The following AXDND1 variants were observed in gnomAD, a reference collection of about 807,000 sequenced individuals.
AXDND1 encodes axonemal dynein light chain domain-containing protein 1.
In AXDND1, 110 loss-of-function variants were observed where a neutral mutation model predicts 137.5. The ratio of observed to expected loss-of-function variants is 0.80; its 90% CI spans 0.69 to 0.94. The LOEUF is 0.94. Ranked by LOEUF, AXDND1 falls within the 40% of genes least tolerant of loss-of-function variation. The pLI, the probability that AXDND1 is intolerant of heterozygous loss-of-function variation, is 0.00. For missense variants in AXDND1, 1,191 were observed against 1,169.8 expected, an observed-to-expected ratio of 1.02 and a Z score of -0.26; for synonymous variants, 414 against 399.7, an observed-to-expected ratio of 1.04 and a Z score of -0.43.
chr1:179,368,145 C>CT (rs1383052026), intron 2 of AXDND1, among the ~76,000 whole-genome samples: 2 of 152,196 alleles, frequency 1.3e-5, no homozygotes, highest in Non-Finnish European at 2.9e-5. Context: ...CCCTACCTGA[C>CT]TGACTTCATA....
chr1:179,456,872 A>G (rs780640488), intron 16 of AXDND1: 2 of 851,794 alleles, frequency 2.3e-6, no homozygotes, highest in Non-Finnish European at 4.0e-6. Flanking sequence ...CCATGGAGTT[A>G]TGATTGTCAA....
rs771166941 is a variant in AXDND1, at chr1:179,491,563, T to C, written c.2117T>C (p.Ile706Thr). The part of the protein sequence containing the change: ...HHMDELHISM[I>T]QWMVNLLILM... ...ATGGATGAGTTACATATATCTATGA[T>C]CCAGTGGATGGTAAACTTGCTGATT... The change falls in exon 19 of 26, where the codon ATC becomes ACC. Residue 706 changes from isoleucine to threonine, a missense_variant. Coordinates refer to ENST00000367618, the MANE Select transcript of AXDND1 (RefSeq NM_144696.6). 1.2e-6 allele frequency: 2 copies of C among 1,609,646 alleles called. No individual in the cohort carries two copies. The highest frequency in any genetic ancestry group is 1.7e-6 in the Non-Finnish European group (2 of 1,176,020).
At chr1:179,476,339 C>A (rs1004454108) in intron 17 of AXDND1, among the ~76,000 whole-genome samples, 4 of 152,052 alleles carry the variant, frequency 2.6e-5, no homozygotes, top group African/African-American at 9.7e-5. Context: ...GTTGTAGGTC[C>A]AACAATATGT....
At chr1:179,512,437 C>G (rs989616335) in intron 21 of AXDND1, among the ~76,000 whole-genome samples, 3 of 152,140 alleles carry the variant, frequency 2.0e-5, no homozygotes, top group African/African-American at 7.2e-5. Flanking sequence ...TGTTTTTATA[C>G]CAGTACCATG....
chr1:179,511,420 G>GTC (rs1366786068), intron 21 of AXDND1, among the ~76,000 whole-genome samples: 1 of 150,422 alleles, frequency 6.6e-6, no homozygotes, highest in Non-Finnish European at 1.5e-5. Flanking sequence ...GTGTGTGTGT[G>GTC]TGTATATGTA....
At chr1:179,384,012 A>C (rs1455785372) in intron 8 of AXDND1, among the ~76,000 whole-genome samples, 3 of 152,292 alleles carry the variant, frequency 2.0e-5, no homozygotes, top group South Asian at 2.1e-4. Context: ...GGCATGAACC[A>C]CCGCACCAGG....
At chr1:179,482,401 C>T (rs1237043417) in intron 17 of AXDND1, among the ~76,000 whole-genome samples, 1 of 152,088 alleles carries the variant, frequency 6.6e-6, no homozygotes, top group Non-Finnish European at 1.5e-5. Flanking sequence ...AAGACAACCC[C>T]TACTTGTTAC....
At chr1:179,371,999 CT>C in intron 4 of AXDND1, among the ~76,000 whole-genome samples, 1 of 152,262 alleles carries the variant, frequency 6.6e-6, no homozygotes, top group Middle Eastern at 3.4e-3. Flanking sequence ...TGATTTTAGC[CT>C]TTTGAGACCC....
intron 23 of AXDND1, among the ~76,000 whole-genome samples, chr1:179,530,741 A>G (rs1670967977): frequency 6.6e-6 from 1 of 152,176 alleles, no homozygotes. Context: ...AAATCTGGAG[A>G]AAGAACTAAA....
intron 16 of AXDND1, chr1:179,452,990 G>A (rs1334062232): frequency 6.6e-6 from 1 of 152,260 alleles, no homozygotes; most frequent in Non-Finnish European, 1.5e-5. Flanking sequence ...TGGCTGAAAG[G>A]GGCCAACATA....
chr1:179,463,358 G>A (rs986171158), intron 16 of AXDND1, among the ~76,000 whole-genome samples: 4 of 152,152 alleles, frequency 2.6e-5, no homozygotes, highest in African/African-American at 9.7e-5. Context: ...CTTTATTTCT[G>A]CTTTCATTTC....
At chr1:179,505,668 G>GAAAAAA (rs981024738) in intron 20 of AXDND1, among the ~76,000 whole-genome samples, 1 of 150,900 alleles carries the variant, frequency 6.6e-6, no homozygotes, top group Non-Finnish European at 1.5e-5. Flanking sequence ...AAAGAAAAAA[G>GAAAAAA]AAAAACAGAA....
At chr1:179,375,098 T>TA in intron 4 of AXDND1, among the ~76,000 whole-genome samples, 1 of 148,478 alleles carries the variant, frequency 6.7e-6, no homozygotes, top group African/African-American at 2.5e-5. Context: ...TCTTTATTAA[T>TA]AAAAAAAAAA....
rs74667047 is a variant in AXDND1, at chr1:179,406,748, G to T, written c.1110-4398G>T. On this transcript the variant is annotated intron_variant, in intron 11 of 25. Transcript: ENST00000367618. The stretch of plus-strand genomic sequence containing the variant: ...TCACTTTTAGGCTATATATGTTTTC[G>T]CAAGTGAAGTGAGTTTTTTGGAGGC... Among the ~76,000 whole-genome samples, 6 of 152,032 alleles carry T rather than the reference G, an allele frequency of 3.9e-5. No homozygotes were observed. In the South Asian group the frequency reaches 1.2e-3, roughly 32 times the overall value.
At chr1:179,474,384 G>A (rs750325558) in intron 17 of AXDND1, among the ~76,000 whole-genome samples, 2 of 152,188 alleles carry the variant, frequency 1.3e-5, no homozygotes, top group Non-Finnish European at 2.9e-5. Context: ...GAATAGTTTG[G>A]AGGGCTCAGA....
chr1:179,553,221 C>T (rs1476883315), intron 25 of AXDND1, among the ~76,000 whole-genome samples: 2 of 152,206 alleles, frequency 1.3e-5, no homozygotes, highest in South Asian at 4.1e-4. Flanking sequence ...AAGTTAAATA[C>T]GGAGTTACCA....
At position 179,491,564 on chromosome 1, in the gene AXDND1, CCA is replaced by C; in HGVS notation, c.2119_2120del (p.Gln707ValfsTer15). Reference sequence around the variant, plus strand: ...TGGATGAGTTACATATATCTATGATCCAGTGGATGGTAAACTTGCTGATTTTA... The same window carrying C: ...TGGATGAGTTACATATATCTATGATCGTGGATGGTAAACTTGCTGATTTTA... ...HMDELHISMIQWMVNLLILMI... is the reference protein window; with the variant it reads ...HMDELHISMIXWMVNLLILMI... On this transcript the variant is annotated frameshift_variant, in exon 19 of 26. Transcript: ENST00000367618. LOFTEE classifies it high-confidence loss of function. 6.2e-7 allele frequency: 1 copy of C among 1,609,352 alleles called. No individual in the cohort carries two copies. The highest frequency in any genetic ancestry group is 8.5e-7 in the Non-Finnish European group (1 of 1,175,910).
intron 9 of AXDND1, 108 bp from the exon 10 acceptor site, chr1:179,393,795 T>C (rs1650575749): frequency 1.2e-6 from 1 of 825,050 alleles, no homozygotes; most frequent in Non-Finnish European, 1.7e-6. Flanking sequence ...AGCTTGGTTT[T>C]CTTGGTGTAT....
chr1:179,547,468 A>T (rs184091713), intron 25 of AXDND1, among the ~76,000 whole-genome samples: 91 of 152,356 alleles, frequency 6.0e-4, no homozygotes, highest in African/African-American at 1.9e-3. Flanking sequence ...CAGCTTGTCT[A>T]AAATGGTGCA....
Sources: gnomAD v4.1 joint callset for allele counts (sites outside exome capture counted in the v4.1 genomes callset) on GRCh38, gnomAD v4.1.1 for gene constraint, MANE v1.5 for transcripts, NCBI Gene and HGNC (gene_info 2026-07-23, HGNC 2026-07-21) for gene names.